Variants in NOP56 observed in about 807,000 individuals in gnomAD.
NOP56 encodes NOP56 ribonucleoprotein.
In NOP56, 31 loss-of-function variants were observed where a neutral mutation model predicts 58.3. That is an observed-to-expected ratio of 0.53 (90% confidence interval 0.40 to 0.72). The LOEUF (loss-of-function observed/expected upper bound fraction) is 0.72. Among genes scored for constraint, NOP56 ranks in the 30% least tolerant of loss-of-function variants. The pLI is 0.00. For synonymous variants in NOP56, 313 were observed against 282.8 expected, an observed-to-expected ratio of 1.11 and a Z score of -1.07; for missense variants, 669 against 739.9, an observed-to-expected ratio of 0.90 and a Z score of 1.11.
At chr20:2,654,647 C>T in intron 4 of NOP56, 72 bp downstream of exon 4, 2 of 1,606,392 alleles carry the variant, frequency 1.2e-6, no homozygotes, top group Non-Finnish European at 1.7e-6. Flanking sequence ...AACTTGGTTG[C>T]TTGTTGTGAT....
At chr20:2,656,200 G>A (rs1227664177) in intron 8 of NOP56, 166 bp downstream of exon 8, 2 of 1,605,592 alleles carry the variant, frequency 1.2e-6, no homozygotes, top group Non-Finnish European at 1.7e-6. Flanking sequence ...CCCAGCAAAG[G>A]GACCAAGTTT....
At chr20:2,653,754 C>T in intron 3 of NOP56, 1 of 242,034 alleles carries the variant, frequency 4.1e-6, no homozygotes. Context: ...CTGGTTCAGG[C>T]GATTCTCCTG....
chr20:2,655,902 TTC>T (rs561066980), intron 7 of NOP56, 30 bp from the exon 8 acceptor site: 1 of 1,613,984 alleles, frequency 6.2e-7, no homozygotes, highest in Non-Finnish European at 8.5e-7. Context: ...AGCAGTTCAT[TTC>T]TCTGACTGCT....
intron 11 of NOP56, 51 bp downstream of exon 11, chr20:2,657,269 A>G (rs1568543835): frequency 9.3e-6 from 15 of 1,612,614 alleles, no homozygotes; most frequent in Non-Finnish European, 1.3e-5. Flanking sequence ...AGGATTTTCA[A>G]CAGCAGAACA....
intron 3 of NOP56, chr20:2,653,886 C>T (rs1446137275): frequency 1.3e-5 from 4 of 312,638 alleles, no homozygotes; most frequent in Non-Finnish European, 2.6e-5. Context: ...ATCTCCTGAC[C>T]TCGTGATCCG....
intron 11 of NOP56, 75 bp downstream of exon 11, chr20:2,657,293 A>C: frequency 6.3e-7 from 1 of 1,596,824 alleles, no homozygotes; most frequent in Non-Finnish European, 8.6e-7. Context: ...GATATGCTGC[A>C]TCAAGCTGTG....
At chr20:2,652,732 A>AGAGCCTGGGCCTGGGCCAGGGCCT in intron 1 of NOP56, 69 bp downstream of exon 1, 1 of 1,106,256 alleles carries the variant, frequency 9.0e-7, no homozygotes, top group Admixed American at 2.9e-5. Flanking sequence ...GGCCGCAGAC[A>AGAGCCTGGGCCTGGGCCAGGGCCT]GGGCCTGGGC....
Position 2,652,657 on chromosome 20 carries a change from C to T in NOP56, c.-4C>T, listed in dbSNP as rs774999691. 53 of 1,430,386 alleles carry T rather than the reference C, an allele frequency of 3.7e-5. No individual in the cohort carries two copies. The highest frequency in any genetic ancestry group is 2.6e-4 in the Admixed American group (8 of 31,166). The allele number at this position is 1,430,386 out of a possible 1,614,324, so 88.6% of individuals were successfully genotyped here. ...ATTGCGAGCCGAACCCGGGAGCTGGCGCCATGGTGAGGAGTGGTTGCGGGG... is the reference window on the plus strand; with the variant it reads ...ATTGCGAGCCGAACCCGGGAGCTGGTGCCATGGTGAGGAGTGGTTGCGGGG... On this transcript the variant is annotated 5_prime_UTR_variant, in exon 1 of 12. Coordinates refer to ENST00000329276, the MANE Select transcript of NOP56 (RefSeq NM_006392.4).
Position 2,655,314 on chromosome 20 carries a change from G to A in NOP56, c.570-11G>A. The A allele has an allele frequency of 6.2e-7, 1 of 1,614,194 alleles. No homozygotes were observed. Among genetic ancestry groups the A allele is most frequent in the South Asian group, 1.1e-5 (1 of 91,088 alleles). The stretch of plus-strand genomic sequence containing the variant: ...GCAGCTGGGCCAGGGAGTGACTGTG[G>A]CTCTTTGCAGGGAGTGGTACGGGTA... On this transcript the variant is annotated splice_polypyrimidine_tract_variant and intron_variant, in intron 5 of 11. Transcript: ENST00000329276.
chr20:2,655,183 G>A (rs879370655), intron 5 of NOP56, 142 bp from the exon 6 acceptor site: 5 of 1,201,754 alleles, frequency 4.2e-6, no homozygotes, highest in African/African-American at 1.5e-5. Context: ...TCTGTATTGT[G>A]AATGGGGGAA....
At chr20:2,657,263 T>C (rs1182642109) in intron 11 of NOP56, 45 bp downstream of exon 11, 2 of 1,613,224 alleles carry the variant, frequency 1.2e-6, no homozygotes, top group Non-Finnish European at 1.7e-6. Context: ...GGTTGTAGGA[T>C]TTTCAACAGC....
At position 2,652,662 on chromosome 20, in the gene NOP56, TG is replaced by T; in HGVS notation, c.3+1del. 1.4e-6 allele frequency: 2 copies of T among 1,430,844 alleles called. No individual in the cohort carries two copies. The highest frequency in any genetic ancestry group is 9.1e-7 in the Non-Finnish European group (1 of 1,100,830). 88.6% of individuals were successfully genotyped at this position (1,430,844 alleles called of 1,614,324 possible). A position where few individuals can be genotyped will look rare whatever the true frequency, so the allele number is the denominator to read the frequency against. On this transcript the variant is annotated frameshift_variant and start_lost and splice_region_variant, in exon 1 of 12. Coordinates refer to ENST00000329276, the MANE Select transcript of NOP56 (RefSeq NM_006392.4). LOFTEE classifies it high-confidence loss of function. ...GAGCCGAACCCGGGAGCTGGCGCCATGGTGAGGAGTGGTTGCGGGGCGCGGG... is the reference window on the plus strand; with the variant it reads ...GAGCCGAACCCGGGAGCTGGCGCCATGTGAGGAGTGGTTGCGGGGCGCGGG... MVLLHVLFEHA... is the reference protein window; with the variant it reads XVLLHVLFEHA...
At chr20:2,657,884 A>G in intron 11 of NOP56, 45 bp from the exon 12 acceptor site, 1 of 1,531,042 alleles carries the variant, frequency 6.5e-7, no homozygotes, top group Non-Finnish European at 8.8e-7. Context: ...CTGAAGATGT[A>G]ATGAGCACTG....
intron 11 of NOP56, chr20:2,657,630 C>T (rs746917647): frequency 1.2e-4 from 61 of 513,902 alleles, no homozygotes; most frequent in Non-Finnish European, 1.9e-4. Flanking sequence ...CACCCAGTTT[C>T]TTAAACAGTG....
At chr20:2,654,653 G>A in intron 4 of NOP56, 78 bp downstream of exon 4, 1 of 1,606,942 alleles carries the variant, frequency 6.2e-7, no homozygotes, top group Non-Finnish European at 8.5e-7. Flanking sequence ...GTTGCTTGTT[G>A]TGATTTCTGG....
In NOP56 at chr20:2,656,294, T is replaced by G; in HGVS notation, c.1011-107T>G. On this transcript the variant is annotated intron_variant, in intron 8 of 11. Coordinates refer to ENST00000329276, the MANE Select transcript of NOP56 (RefSeq NM_006392.4). The stretch of plus-strand genomic sequence containing the variant: ...ATTGGGGTAGAGATCCAATCTGGCC[T>G]GAGGCTCACTCAGGACTTCGGGGTG... 11 of 1,604,412 alleles carry G rather than the reference T, an allele frequency of 6.9e-6. No homozygotes were observed. The South Asian group carries it at 1.2e-4, about 18-fold the overall frequency.
chr20:2,655,835 C>T (rs2086809585), intron 7 of NOP56, 89 bp downstream of exon 7: 2 of 1,610,212 alleles, frequency 1.2e-6, no homozygotes, highest in East Asian at 2.2e-5. Context: ...CCATGTCTTC[C>T]CTAGTTGTGC....
chr20:2,653,260 A>G lies in NOP56; in HGVS notation c.94-19A>G, dbSNP rs766440579. On this transcript the variant is annotated intron_variant, in intron 2 of 11. Coordinates refer to ENST00000329276, the MANE Select transcript of NOP56 (RefSeq NM_006392.4). ...CAGGAGGGAGGGAAGGAAACCACTT[A>G]GCCTCTTTCTCCCCCCAGGTGGAGG... is the stretch of plus-strand genomic sequence containing the variant. The G allele has an allele frequency of 1.9e-6, 3 of 1,591,734 alleles. No individual in the cohort carries two copies. The highest frequency in any genetic ancestry group is 1.7e-6 in the Non-Finnish European group (2 of 1,159,718).
chr20:2,657,911 C>T lies in NOP56; in HGVS notation c.1420-18C>T, dbSNP rs546103276. ...TGAGCACTGTTCTCACAGCCTGTTC[C>T]CCTGTCCTTCCCTTTAGGAGATGAG... On this transcript the variant is annotated intron_variant, in intron 11 of 11. Transcript: ENST00000329276. 40 of 1,560,652 alleles carry T rather than the reference C, an allele frequency of 2.6e-5. No homozygotes were observed. In the East Asian group the frequency reaches 9.0e-4, roughly 35 times the overall value.
Sources: allele counts gnomAD v4.1 joint callset, GRCh38; gene constraint gnomAD v4.1.1; transcripts MANE v1.5; gene names NCBI Gene and HGNC (gene_info 2026-07-23, HGNC 2026-07-21).